EGFLAM: variants seen among roughly 807,000 people sequenced by gnomAD.
EGFLAM encodes the protein EGF like, fibronectin type III and laminin G domains.
A neutral mutation model predicts 113.1 loss-of-function variants in EGFLAM; 79 were observed. The ratio of observed to expected loss-of-function variants is 0.70; its 90% CI spans 0.58 to 0.84. The LOEUF (loss-of-function observed/expected upper bound fraction) is 0.84, where lower values mean the gene tolerates loss of function less well. EGFLAM is among the 40% of genes least tolerant of loss of function. The pLI, the probability that EGFLAM is intolerant of heterozygous loss-of-function variation, is 0.00. For missense variants in EGFLAM, 1,265 were observed against 1,291.6 expected (o/e 0.98, Z 0.32); for synonymous variants, 504 against 487.6 (o/e 1.03, Z -0.44).
chr5:38,323,840 G>C (rs1027480720), intron 1 of EGFLAM, among the ~76,000 whole-genome samples: 5 of 152,040 alleles, frequency 3.3e-5, no homozygotes, highest in Admixed American at 1.3e-4. Context: ...CTTGAGGTCA[G>C]GAGTTTGAGA....
chr5:38,264,267 C>T (rs143896560), intron 1 of EGFLAM, among the ~76,000 whole-genome samples: 26 of 152,244 alleles, frequency 1.7e-4, no homozygotes, highest in East Asian at 5.8e-4. Context: ...GTCAAGTCAG[C>T]GTTCAGAGTT....
chr5:38,287,176 C>A (rs1758186027), intron 1 of EGFLAM, among the ~76,000 whole-genome samples: 1 of 152,202 alleles, frequency 6.6e-6, no homozygotes, highest in African/African-American at 2.4e-5. Context: ...TACAATCCTA[C>A]CTCCTAGATT....
In EGFLAM at chr5:38,310,506, G is replaced by A. The variant is rs199499863; in HGVS notation, c.98-27014G>A. ...TATTCTTTAGCTATTTTCATATGAA[G>A]CTATTCTACCCATGCCTTCTGTACA... On this transcript the variant is annotated intron_variant, in intron 1 of 21. Coordinates refer to ENST00000322350, the MANE Select transcript of EGFLAM (RefSeq NM_152403.4). Among the ~76,000 whole-genome samples the A allele has an allele frequency of 5.9e-5, 9 of 152,172 alleles. No individual in the cohort carries two copies. The East Asian group carries it at 7.7e-4, about 13-fold the overall frequency.
chr5:38,356,458 G>A (rs1054331489), intron 5 of EGFLAM, among the ~76,000 whole-genome samples: 1 of 152,172 alleles, frequency 6.6e-6, no homozygotes, highest in African/African-American at 2.4e-5. Flanking sequence ...TTTCACAAAA[G>A]TAGAAATTGA....
chr5:38,276,133 A>G (rs1757878067), intron 1 of EGFLAM, among the ~76,000 whole-genome samples: 1 of 152,194 alleles, frequency 6.6e-6, no homozygotes, highest in South Asian at 2.1e-4. Flanking sequence ...CAAGTCATGT[A>G]TTATATGGAT....
intron 11 of EGFLAM, among the ~76,000 whole-genome samples, chr5:38,414,821 C>A (rs569153162): frequency 1.3e-5 from 2 of 152,140 alleles, no homozygotes; most frequent in Non-Finnish European, 2.9e-5. Flanking sequence ...TGGACCCCCC[C>A]TCAAGGCCAG....
chr5:38,267,314 G>A (rs1757657466), intron 1 of EGFLAM, among the ~76,000 whole-genome samples: 1 of 152,132 alleles, frequency 6.6e-6, no homozygotes, highest in Non-Finnish European at 1.5e-5. Context: ...GCCATTTAGT[G>A]GCTTACATTG....
At chr5:38,325,900 T>C (rs1167824805) in intron 1 of EGFLAM, among the ~76,000 whole-genome samples, 1 of 152,020 alleles carries the variant, frequency 6.6e-6, no homozygotes, top group African/African-American at 2.4e-5. Flanking sequence ...TTTAAAAAAA[T>C]ACCTGAAAAT....
At position 38,465,051 on chromosome 5, in the gene EGFLAM, T is replaced by TA. The variant is rs1365988424; in HGVS notation, c.*1066dup. On this transcript the variant is annotated 3_prime_UTR_variant, in exon 22 of 22. Coordinates refer to ENST00000322350, the MANE Select transcript of EGFLAM (RefSeq NM_152403.4). ...TTCATTCATTCACTTATGGAGTTGT[T>TA]ACTGATTTTGCGGAGGTCAGGTTCA... 5.3e-5 allele frequency: 8 copies of TA among 152,274 alleles called. No individual in the cohort carries two copies. The East Asian group carries it at 1.5e-3, about 29-fold the overall frequency. The allele number at this position is 152,274 out of a possible 1,614,324, so 9.4% of individuals were successfully genotyped here.
chr5:38,409,017 A>C lies in EGFLAM; in HGVS notation c.1262A>C (p.Asp421Ala). Residue 421 changes from aspartate to alanine, a missense_variant, in exon 10 of 22, where the codon GAT becomes GCT. Asp to Ala is a moderately radical substitution (Grantham distance 126). Coordinates refer to ENST00000322350, the MANE Select transcript of EGFLAM (RefSeq NM_152403.4). ...GTATAATCACAGGCGGAGGCAGAGG[A>C]TGGCTTACTGCTCTACTGTGGGGAG... ...ITLEFRAEAE[D>A]GLLLYCGENE... 1.9e-6 allele frequency: 3 copies of C among 1,591,352 alleles called. No homozygotes were observed. The highest frequency in any genetic ancestry group is 2.6e-6 in the Non-Finnish European group (3 of 1,167,584).
At position 38,405,262 on chromosome 5, in the gene EGFLAM, A is replaced by G. The variant is rs143030323; in HGVS notation, c.713-864A>G. On this transcript the variant is annotated intron_variant, in intron 6 of 21. Transcript: ENST00000322350. ...ACCTTAAGAAACAGAATATGATGGA[A>G]TACTCTCAAAGGCCCCTGTGAATCA... Among the ~76,000 whole-genome samples, 34 of 152,298 alleles carry G rather than the reference A, an allele frequency of 2.2e-4. No individual in the cohort carries two copies. In the East Asian group the frequency reaches 6.4e-3, roughly 29 times the overall value.
In EGFLAM at chr5:38,284,406, A is replaced by G. The variant is rs756323211; in HGVS notation, c.97+25555A>G. On this transcript the variant is annotated intron_variant, in intron 1 of 21. Transcript: ENST00000322350. ...TTTCTTGCAACTACTCAGCTCCACCATTGTAGAGCAAAAGCAGCCACAGGC... is the reference window on the plus strand; with the variant it reads ...TTTCTTGCAACTACTCAGCTCCACCGTTGTAGAGCAAAAGCAGCCACAGGC... 9.5e-4 allele frequency among the ~76,000 whole-genome samples: 145 copies of G among 152,296 alleles called. 1 individual carries two copies. The highest frequency in any genetic ancestry group is 4.0e-4 in the Non-Finnish European group (27 of 68,028).
chr5:38,412,915 G>A (rs796993409), intron 11 of EGFLAM, among the ~76,000 whole-genome samples: 1 of 152,206 alleles, frequency 6.6e-6, no homozygotes, highest in African/African-American at 2.4e-5. Flanking sequence ...ATTGCTGTTG[G>A]TGCATAGGTC....
chr5:38,456,314 G>T (rs974158365), intron 19 of EGFLAM, among the ~76,000 whole-genome samples: 1 of 152,154 alleles, frequency 6.6e-6, no homozygotes. Flanking sequence ...GGGGATCAAG[G>T]CAGGTCCGTT....
At chr5:38,369,050 A>C (rs1740139881) in intron 5 of EGFLAM, among the ~76,000 whole-genome samples, 1 of 152,112 alleles carries the variant, frequency 6.6e-6, no homozygotes, top group Non-Finnish European at 1.5e-5. Flanking sequence ...AATTATTTCC[A>C]ACTTTTATCT....
chr5:38,396,451 T>C (rs1740965001), intron 6 of EGFLAM, among the ~76,000 whole-genome samples: 1 of 152,214 alleles, frequency 6.6e-6, no homozygotes, highest in South Asian at 2.1e-4. Context: ...GTCTTTCAAC[T>C]AACATTTATT....
At chr5:38,304,789 A>G (rs2111838856) in intron 1 of EGFLAM, among the ~76,000 whole-genome samples, 1 of 152,346 alleles carries the variant, frequency 6.6e-6, no homozygotes, top group South Asian at 2.1e-4. Flanking sequence ...TGGAGGAAAT[A>G]GAGACCATGA....
intron 14 of EGFLAM, among the ~76,000 whole-genome samples, chr5:38,427,689 A>G (rs1377616450): frequency 6.6e-6 from 1 of 152,230 alleles, no homozygotes; most frequent in African/African-American, 2.4e-5. Context: ...TTTGAACAAA[A>G]ATATCCTTGA....
intron 6 of EGFLAM, chr5:38,403,900 C>G: frequency 6.2e-7 from 1 of 1,613,896 alleles, no homozygotes; most frequent in Non-Finnish European, 8.5e-7. Context: ...AGGTATAAAT[C>G]TGGCATCGAC....
Sources: allele counts gnomAD v4.1 joint callset (sites outside exome capture counted in the v4.1 genomes callset), GRCh38; gene constraint gnomAD v4.1.1; transcripts MANE v1.5; gene names NCBI Gene and HGNC (gene_info 2026-07-23, HGNC 2026-07-21).